Variants in ATRNL1 observed in about 807,000 individuals in gnomAD.
ATRNL1 encodes the protein attractin like 1, also known as attractin-like protein 1.
In ATRNL1, 95 loss-of-function variants were observed where a neutral mutation model predicts 182.7. The ratio of observed to expected loss-of-function variants is 0.52; its 90% CI spans 0.44 to 0.62. The LOEUF (loss-of-function observed/expected upper bound fraction) is 0.62, where lower values mean the gene tolerates loss of function less well. Ranked by LOEUF, ATRNL1 falls within the 20% of genes least tolerant of loss-of-function variation. The pLI, the probability that ATRNL1 is intolerant of heterozygous loss-of-function variation, is 0.00. For missense variants in ATRNL1, 1,471 were observed against 1,679.5 expected, an observed-to-expected ratio of 0.88 and a Z score of 2.17; for synonymous variants, 576 against 568.3, an observed-to-expected ratio of 1.01 and a Z score of -0.19.
chr10:115,573,540 C>T (rs915810387), intron 26 of ATRNL1, among the ~76,000 whole-genome samples: 1 of 152,000 alleles, frequency 6.6e-6, no homozygotes, highest in Non-Finnish European at 1.5e-5. Flanking sequence ...CATTTAGGGC[C>T]ACAGGTATCC....
At chr10:115,789,906 A>G (rs963237690) in intron 27 of ATRNL1, among the ~76,000 whole-genome samples, 8 of 152,320 alleles carry the variant, frequency 5.3e-5, no homozygotes, top group Non-Finnish European at 1.2e-4. Context: ...ATACACAACC[A>G]AGAGGTTATT....
chr10:115,306,333 A>C (rs1853728668), intron 17 of ATRNL1, among the ~76,000 whole-genome samples: 1 of 152,024 alleles, frequency 6.6e-6, no homozygotes, highest in Admixed American at 6.6e-5. Context: ...TTTCCTTGGA[A>C]CCTCTTTAGC....
intron 25 of ATRNL1, among the ~76,000 whole-genome samples, chr10:115,542,938 A>G (rs1452595245): frequency 1.3e-4 from 20 of 152,162 alleles, no homozygotes; most frequent in African/African-American, 2.4e-5. Context: ...AAGGACATTA[A>G]TTATATCAGA....
chr10:115,881,713 C>T (rs1365131337), intron 28 of ATRNL1, among the ~76,000 whole-genome samples: 2 of 152,282 alleles, frequency 1.3e-5, no homozygotes, highest in East Asian at 3.9e-4. Context: ...CCATTATGTT[C>T]ATTTCGTAAA....
chr10:115,849,728 A>G (rs1470447645), intron 28 of ATRNL1, among the ~76,000 whole-genome samples: 2 of 152,132 alleles, frequency 1.3e-5, no homozygotes, highest in African/African-American at 2.4e-5. Context: ...TGAGACGTAG[A>G]AAGCACTGTA....
chr10:115,270,272 TATAA>T (rs1554912404), intron 13 of ATRNL1, among the ~76,000 whole-genome samples: 1 of 146,280 alleles, frequency 6.8e-6, no homozygotes, highest in East Asian at 1.9e-4. Context: ...ATATATTATA[TATAA>T]ATATATAAAC....
chr10:115,715,280 G>A (rs1175184809), intron 26 of ATRNL1, among the ~76,000 whole-genome samples: 1 of 152,152 alleles, frequency 6.6e-6, no homozygotes, highest in Non-Finnish European at 1.5e-5. Context: ...ACAAAGGATG[G>A]TTTCACAAAG....
At chr10:115,635,902 A>G (rs1294746752) in intron 26 of ATRNL1, among the ~76,000 whole-genome samples, 1 of 152,174 alleles carries the variant, frequency 6.6e-6, no homozygotes, top group Non-Finnish European at 1.5e-5. Context: ...TAGAAACATA[A>G]GAATAAATAC....
intron 26 of ATRNL1, among the ~76,000 whole-genome samples, chr10:115,675,939 A>G (rs1945847978): frequency 6.6e-6 from 1 of 152,138 alleles, no homozygotes; most frequent in Non-Finnish European, 1.5e-5. Context: ...GTCTGTCTCC[A>G]GAGCTGTGCT....
intron 26 of ATRNL1, among the ~76,000 whole-genome samples, chr10:115,661,787 A>G (rs782205740): frequency 6.6e-6 from 1 of 151,956 alleles, no homozygotes; most frequent in Non-Finnish European, 1.5e-5. Flanking sequence ...TTTTTTTATT[A>G]TACTTTAAGT....
chr10:115,505,736 A>G (rs1850078860), intron 24 of ATRNL1, among the ~76,000 whole-genome samples: 1 of 151,966 alleles, frequency 6.6e-6, no homozygotes, highest in Non-Finnish European at 1.5e-5. Context: ...AAAAACATGA[A>G]CGCCTTTTAA....
At chr10:115,729,505 G>A (rs1555061940) in intron 27 of ATRNL1, among the ~76,000 whole-genome samples, 1 of 148,444 alleles carries the variant, frequency 6.7e-6, no homozygotes, top group Non-Finnish European at 1.5e-5. Context: ...TTGTGTGTGT[G>A]TGTGTGTGTG....
At chr10:115,360,779 TG>T (rs1856709101) in intron 19 of ATRNL1, among the ~76,000 whole-genome samples, 2 of 151,884 alleles carry the variant, frequency 1.3e-5, no homozygotes, top group African/African-American at 2.4e-5. Context: ...GTCTTTAACC[TG>T]GGTAATTTCC....
At chr10:115,648,648 A>G (rs12766032) in intron 26 of ATRNL1, among the ~76,000 whole-genome samples, 26,409 of 152,104 alleles carry the variant, frequency 0.17, 2,895 homozygotes, top group East Asian at 0.26. Context: ...AGAGATATGT[A>G]GTCCTTTTCT....
Position 115,172,679 on chromosome 10 carries a change from C to A in ATRNL1, c.1348+1387C>A, listed in dbSNP as rs568197145. Among the ~76,000 whole-genome samples the A allele has an allele frequency of 5.9e-5, 9 of 152,040 alleles. No homozygotes were observed. In the South Asian group the frequency reaches 1.5e-3, roughly 25 times the overall value. ...GCCCACACTCTGACAATTCTTTGAC[C>A]TTACCAGAGCCTTTAGTCTGTTGAG... is the stretch of plus-strand genomic sequence containing the variant. On this transcript the variant is annotated intron_variant, in intron 8 of 28. Transcript: ENST00000355044.
intron 27 of ATRNL1, among the ~76,000 whole-genome samples, chr10:115,730,180 C>G (rs749783834): frequency 7.0e-6 from 1 of 142,780 alleles, no homozygotes; most frequent in Non-Finnish European, 1.5e-5. Flanking sequence ...TTGCTTGAAC[C>G]CAGGAGATGG....
intron 27 of ATRNL1, among the ~76,000 whole-genome samples, chr10:115,775,874 C>T (rs1949110901): frequency 6.7e-6 from 1 of 149,358 alleles, no homozygotes; most frequent in African/African-American, 2.5e-5. Context: ...AGGAGAATTG[C>T]TTTAACCCGG....
At chr10:115,422,761 A>C (rs1255265003) in intron 20 of ATRNL1, among the ~76,000 whole-genome samples, 1 of 152,306 alleles carries the variant, frequency 6.6e-6, no homozygotes, top group East Asian at 1.9e-4. Flanking sequence ...GTGAACTAAC[A>C]CTGAAGGAGA....
intron 26 of ATRNL1, among the ~76,000 whole-genome samples, chr10:115,698,062 T>C (rs1304816264): frequency 6.6e-6 from 1 of 152,208 alleles, no homozygotes; most frequent in African/African-American, 2.4e-5. Context: ...ATTGTAGTGA[T>C]AGAGAAATGG....
Sources: gnomAD v4.1 joint callset for allele counts (sites outside exome capture counted in the v4.1 genomes callset) on GRCh38, gnomAD v4.1.1 for gene constraint, MANE v1.5 for transcripts, NCBI Gene and HGNC (gene_info 2026-07-23, HGNC 2026-07-21) for gene names.